PDCD10: variants seen among roughly 807,000 people sequenced by gnomAD.
PDCD10 encodes programmed cell death 10.
Under a neutral mutation model 29.2 loss-of-function variants are expected in PDCD10, and 4 were observed. That is an observed-to-expected ratio of 0.14 (90% CI 0.07 to 0.31). PDCD10 has a LOEUF of 0.31. Among genes scored for constraint, PDCD10 ranks in the 10% least tolerant of loss-of-function variants. The probability of loss-of-function intolerance (pLI) is 1.00; values close to 1 mark genes in which losing one functional copy is unlikely to be tolerated. For synonymous variants in PDCD10, 70 were observed against 82.2 expected, an observed-to-expected ratio of 0.85 and a Z score of 0.80; for missense variants, 183 against 257.9, an observed-to-expected ratio of 0.71 and a Z score of 1.99.
intron 2 of PDCD10, 113 bp downstream of exon 2, chr3:167,734,101 A>C (rs546672488): frequency 6.6e-6 from 1 of 152,350 alleles, no homozygotes; most frequent in South Asian, 2.1e-4. Context: ...AACTAGATTC[A>C]GAAAGTCTGT....
chr3:167,715,872 A>C (rs1170653988), intron 3 of PDCD10, among the ~76,000 whole-genome samples: 2 of 151,976 alleles, frequency 1.3e-5, no homozygotes, highest in African/African-American at 4.8e-5. Flanking sequence ...AAAAAACTAA[A>C]AACAGAGGTA....
At chr3:167,728,304 C>T (rs1255503641) in intron 2 of PDCD10, among the ~76,000 whole-genome samples, 1 of 152,036 alleles carries the variant, frequency 6.6e-6, no homozygotes, top group Non-Finnish European at 1.5e-5. Context: ...AATCTAAACT[C>T]GTATAGGGTG....
chr3:167,699,585 T>C (rs1284816055), intron 4 of PDCD10, among the ~76,000 whole-genome samples: 1 of 152,062 alleles, frequency 6.6e-6, no homozygotes, highest in African/African-American at 2.4e-5. Context: ...AACTCTTAGG[T>C]TTTCCCTCAG....
At chr3:167,702,571 T>C (rs1237951117) in intron 4 of PDCD10, among the ~76,000 whole-genome samples, 1 of 152,066 alleles carries the variant, frequency 6.6e-6, no homozygotes, top group Non-Finnish European at 1.5e-5. Context: ...ACCTCTAACC[T>C]CCACACTGTT....
In PDCD10 at chr3:167,683,982, T is replaced by C. The variant is rs529823892; in HGVS notation, c.*326A>G. 2.8e-4 allele frequency: 73 copies of C among 260,764 alleles called. No homozygotes were observed. Among genetic ancestry groups the C allele is most frequent in the African/African-American group, 1.2e-3 (53 of 45,218 alleles). The allele number at this position is 260,764 out of a possible 1,614,324, so 16.2% of individuals were successfully genotyped here. A position where few individuals can be genotyped will look rare whatever the true frequency, so the allele number is the denominator to read the frequency against. On this transcript the variant is annotated 3_prime_UTR_variant, in exon 9 of 9. Transcript: ENST00000392750. ...TACATTATCTTGCAGCATATCGCTTTCAAGTTAAAATGTCAGAAACAAACA... is the reference window on the plus strand; with the variant it reads ...TACATTATCTTGCAGCATATCGCTTCCAAGTTAAAATGTCAGAAACAAACA...
intron 6 of PDCD10, among the ~76,000 whole-genome samples, chr3:167,693,826 T>C (rs932714008): frequency 2.0e-5 from 3 of 151,800 alleles, no homozygotes; most frequent in African/African-American, 7.3e-5. Flanking sequence ...TGTGGTGTTG[T>C]ACACCAGTAG....
At chr3:167,725,324 C>T (rs1425363479) in intron 2 of PDCD10, 2 of 137,548 alleles carry the variant, frequency 1.5e-5, no homozygotes, top group African/African-American at 5.3e-5. Context: ...TGGATTTTTA[C>T]AAAGACTGTA....
At chr3:167,700,910 G>A (rs569791188) in intron 4 of PDCD10, among the ~76,000 whole-genome samples, 1 of 152,232 alleles carries the variant, frequency 6.6e-6, no homozygotes, top group African/African-American at 2.4e-5. Context: ...GCCCTATTCT[G>A]AAGGAAAAAA....
At chr3:167,712,821 G>C (rs1293090119) in intron 3 of PDCD10, among the ~76,000 whole-genome samples, 1 of 152,002 alleles carries the variant, frequency 6.6e-6, no homozygotes, top group Non-Finnish European at 1.5e-5. Flanking sequence ...ATTTGTATCA[G>C]ACAAAACAGA....
chr3:167,708,022 C>T (rs986022735), intron 3 of PDCD10, among the ~76,000 whole-genome samples: 5 of 152,158 alleles, frequency 3.3e-5, no homozygotes, highest in African/African-American at 1.2e-4. Context: ...GAGGTCTTAC[C>T]TCAACCCCCA....
At chr3:167,687,820 T>C in intron 6 of PDCD10, 127 bp from the exon 7 acceptor site, 2 of 666,926 alleles carry the variant, frequency 3.0e-6, no homozygotes, top group Non-Finnish European at 2.7e-6. Context: ...CTTAATTATG[T>C]TAAGCGCAAT....
intron 2 of PDCD10, among the ~76,000 whole-genome samples, chr3:167,731,564 G>C (rs1250303509): frequency 6.6e-6 from 1 of 152,134 alleles, no homozygotes; most frequent in Non-Finnish European, 1.5e-5. Flanking sequence ...TCTGTCCCCA[G>C]AGAAGTGCTG....
At chr3:167,730,183 A>G (rs1344244104) in intron 2 of PDCD10, among the ~76,000 whole-genome samples, 1 of 151,514 alleles carries the variant, frequency 6.6e-6, no homozygotes, top group African/African-American at 2.4e-5. Flanking sequence ...TCTAATTGCT[A>G]TAATAAATGT....
At chr3:167,703,749 G>A (rs1577341992) in intron 4 of PDCD10, among the ~76,000 whole-genome samples, 3 of 151,982 alleles carry the variant, frequency 2.0e-5, no homozygotes, top group Admixed American at 2.0e-4. Context: ...GAGTAGGGCT[G>A]TACAACAGAA....
chr3:167,696,539 C>A (rs1232813020), intron 5 of PDCD10, among the ~76,000 whole-genome samples: 1 of 151,944 alleles, frequency 6.6e-6, no homozygotes, highest in African/African-American at 2.4e-5. Context: ...AAACCAACGT[C>A]TAAATAATTT....
chr3:167,720,307 T>C, intron 2 of PDCD10, 34 bp from the exon 3 acceptor site: 1 of 626,086 alleles, frequency 1.6e-6, no homozygotes, highest in Non-Finnish European at 2.9e-6. Flanking sequence ...AGAGACTTAC[T>C]ATATTAAGGA....
chr3:167,724,979 G>A (rs1446028310), intron 2 of PDCD10, among the ~76,000 whole-genome samples: 1 of 152,052 alleles, frequency 6.6e-6, no homozygotes, highest in African/African-American at 2.4e-5. Context: ...CTCATCAGCT[G>A]GGCACGGTGG....
chr3:167,714,795 A>C (rs1026952069), intron 3 of PDCD10, among the ~76,000 whole-genome samples: 1 of 152,012 alleles, frequency 6.6e-6, no homozygotes, highest in African/African-American at 2.4e-5. Context: ...ATTGGACACA[A>C]AAAAGGGAAA....
At chr3:167,706,566 G>A (rs967117073) in intron 3 of PDCD10, among the ~76,000 whole-genome samples, 7 of 152,166 alleles carry the variant, frequency 4.6e-5, no homozygotes, top group Non-Finnish European at 8.8e-5. Context: ...GTAATGTTGC[G>A]CTACAATGAA....
Sources: gnomAD v4.1 joint callset for allele counts (sites outside exome capture counted in the v4.1 genomes callset) on GRCh38, gnomAD v4.1.1 for gene constraint, MANE v1.5 for transcripts, NCBI Gene and HGNC (gene_info 2026-07-23, HGNC 2026-07-21) for gene names.